ARAP2: variants seen among roughly 807,000 people sequenced by gnomAD.
ARAP2 encodes the protein ArfGAP with RhoGAP domain, ankyrin repeat and PH domain 2.
A neutral mutation model predicts 194.5 loss-of-function variants in ARAP2; 148 were observed. That is an observed-to-expected ratio of 0.76 (90% CI 0.67 to 0.87). The LOEUF is 0.87. Among genes scored for constraint, ARAP2 ranks in the 40% least tolerant of loss-of-function variants. The probability of loss-of-function intolerance (pLI) is 0.00; values close to 1 mark genes in which losing one functional copy is unlikely to be tolerated. For synonymous variants in ARAP2, 695 were observed against 683.5 expected (o/e 1.02, Z -0.26); for missense variants, 2,128 against 1,989.7 (o/e 1.07, Z -1.32).
chr4:36,074,004 A>G (rs1405595014), intron 31 of ARAP2, among the ~76,000 whole-genome samples, 181 bp from the exon 32 acceptor site: 2 of 152,114 alleles, frequency 1.3e-5, no homozygotes, highest in East Asian at 3.9e-4. Context: ...TGAAACTCTT[A>G]ACTGAACTGA....
At chr4:36,092,685 G>A (rs1206935354) in intron 27 of ARAP2, among the ~76,000 whole-genome samples, 1 of 152,016 alleles carries the variant, frequency 6.6e-6, no homozygotes, top group Non-Finnish European at 1.5e-5. Context: ...TTGGATATTG[G>A]ATATGTGATA....
intron 6 of ARAP2, among the ~76,000 whole-genome samples, chr4:36,016,849 G>A (rs1361864130): frequency 6.6e-6 from 1 of 152,046 alleles, no homozygotes; most frequent in African/African-American, 2.4e-5. Context: ...ACCTCTGTCT[G>A]TCACCCTTAT....
At position 36,096,296 on chromosome 4, in the gene ARAP2, C is replaced by T. The variant is rs532847268; in HGVS notation, c.4286-4276G>A. Among the ~76,000 whole-genome samples, 21 of 137,552 alleles carry T rather than the reference C, an allele frequency of 1.5e-4. 1 individual carries two copies. In the East Asian group the frequency reaches 3.3e-3, roughly 21 times the overall value. 90.2% of individuals were successfully genotyped at this position (137,552 alleles called of 152,430 possible). A position where few individuals can be genotyped will look rare whatever the true frequency, so the allele number is the denominator to read the frequency against. On this transcript the variant is annotated intron_variant, in intron 27 of 32. Coordinates refer to ENST00000303965, the MANE Select transcript of ARAP2 (RefSeq NM_015230.4). ...ATGAGAATCATCTGAACCTGAGAGG[C>T]GGAGGTTGAAGTGAGTCTAGATTGT...
chr4:36,103,841 T>C (rs1489426518), intron 27 of ARAP2, among the ~76,000 whole-genome samples: 1 of 151,920 alleles, frequency 6.6e-6, no homozygotes, highest in African/African-American at 2.4e-5. Flanking sequence ...ACATTTTAAA[T>C]AGTTCAGATA....
chr4:36,048,711 C>T (rs758475979), intron 3 of ARAP2, among the ~76,000 whole-genome samples: 2 of 152,096 alleles, frequency 1.3e-5, no homozygotes, highest in Admixed American at 1.3e-4. Flanking sequence ...TTATATTTCT[C>T]TGGGTATATA....
intron 11 of ARAP2, among the ~76,000 whole-genome samples, chr4:36,161,808 A>G (rs1357691039): frequency 1.3e-5 from 2 of 150,254 alleles, no homozygotes; most frequent in African/African-American, 2.5e-5. Context: ...AAAAAAAAAA[A>G]AAAAAAAAAA....
intron 22 of ARAP2, among the ~76,000 whole-genome samples, chr4:36,122,681 T>C (rs1430944172): frequency 6.6e-6 from 1 of 151,594 alleles, no homozygotes; most frequent in Non-Finnish European, 1.5e-5. Context: ...GATGAGGAAA[T>C]AATCTGTACA....
intron 25 of ARAP2, among the ~76,000 whole-genome samples, chr4:36,114,842 T>G (rs180820496): frequency 4.6e-5 from 7 of 151,952 alleles, no homozygotes; most frequent in Admixed American, 4.6e-4. Flanking sequence ...AATGCCAACC[T>G]GGGGGTCGGT....
At chr4:36,178,329 T>C (rs1283412704) in intron 8 of ARAP2, among the ~76,000 whole-genome samples, 1 of 152,202 alleles carries the variant, frequency 6.6e-6, no homozygotes, top group Non-Finnish European at 1.5e-5. Context: ...TCCCTGTTAA[T>C]ATCTGAGAAG....
intron 28 of ARAP2, among the ~76,000 whole-genome samples, chr4:36,091,105 T>C (rs1436562340): frequency 6.6e-6 from 1 of 152,086 alleles, no homozygotes; most frequent in Non-Finnish European, 1.5e-5. Flanking sequence ...TTTAATAAAG[T>C]GAACATACTG....
chr4:36,153,295 G>A (rs1226190995), intron 15 of ARAP2, among the ~76,000 whole-genome samples: 2 of 152,048 alleles, frequency 1.3e-5, no homozygotes, highest in Non-Finnish European at 2.9e-5. Context: ...CATTGATATG[G>A]GAAGCAATTT....
At chr4:36,217,412 C>T (rs766304479) in intron 2 of ARAP2, among the ~76,000 whole-genome samples, 1 of 152,070 alleles carries the variant, frequency 6.6e-6, no homozygotes, top group Non-Finnish European at 1.5e-5. Context: ...CCCAGATACT[C>T]GGGGTGGCTG....
At chr4:36,132,427 C>T (rs1179995513) in intron 20 of ARAP2, among the ~76,000 whole-genome samples, 1 of 151,782 alleles carries the variant, frequency 6.6e-6, no homozygotes, top group Non-Finnish European at 1.5e-5. Flanking sequence ...CTCTTTTCCA[C>T]ATTTGTGATC....
chr4:36,101,404 T>TTG (rs1716895701), intron 27 of ARAP2, among the ~76,000 whole-genome samples: 2 of 151,952 alleles, frequency 1.3e-5, no homozygotes, highest in Non-Finnish European at 2.9e-5. Context: ...GAGTTTTTTT[T>TTG]TTTTTGCTAT....
At chr4:36,163,606 A>G (rs1734596951) in intron 11 of ARAP2, among the ~76,000 whole-genome samples, 1 of 152,230 alleles carries the variant, frequency 6.6e-6, no homozygotes, top group Admixed American at 6.5e-5. Context: ...AGAATGACAC[A>G]TAGAAGGAAA....
chr4:36,074,575 T>C (rs1387575164), intron 31 of ARAP2, among the ~76,000 whole-genome samples: 1 of 152,086 alleles, frequency 6.6e-6, no homozygotes, highest in Non-Finnish European at 1.5e-5. Context: ...CCAGGGTAGA[T>C]TAACTTTCCA....
intron 2 of ARAP2, among the ~76,000 whole-genome samples, chr4:36,218,450 A>C (rs4472157): frequency 0.3 from 45,398 of 151,748 alleles, 8,185 homozygotes; most frequent in East Asian, 0.5. Context: ...TAAAAAAAAA[A>C]CAGAGATCCA....
intron 5 of ARAP2, among the ~76,000 whole-genome samples, chr4:36,037,506 T>G (rs1405132841): frequency 6.6e-6 from 1 of 152,146 alleles, no homozygotes; most frequent in South Asian, 2.1e-4. Context: ...AAGCATAGAA[T>G]GGGGGCAAGG....
In ARAP2 at chr4:36,150,968, A is replaced by G. The variant is rs763469044; in HGVS notation, c.2829T>C (p.Asn943=). 3.1e-6 allele frequency: 5 copies of G among 1,613,154 alleles called. No homozygotes were observed. The highest frequency in any genetic ancestry group is 4.2e-6 in the Non-Finnish European group (5 of 1,179,462). Residue 943 remains asparagine, a synonymous_variant, in exon 16 of 33, where the codon AAT becomes AAC. Coordinates refer to ENST00000303965, the MANE Select transcript of ARAP2 (RefSeq NM_015230.4). ...YYENDKSTTP[N]GTININEVIC... ...TAACTTCATTGATATTAATGGTGCC[A>G]TTAGGTGTGGTAGACTTATCATTTT...
Sources: allele counts gnomAD v4.1 joint callset (sites outside exome capture counted in the v4.1 genomes callset), GRCh38; gene constraint gnomAD v4.1.1; transcripts MANE v1.5; gene names NCBI Gene and HGNC (gene_info 2026-07-23, HGNC 2026-07-21).